Variants in OR52N4 observed in about 807,000 individuals in gnomAD.
OR52N4 encodes the protein olfactory receptor family 52 subfamily N member 4, also known as olfactory receptor 52N4.
In OR52N4, 15 loss-of-function variants were observed where a neutral mutation model predicts 15.0. The ratio of observed to expected loss-of-function variants is 1.00; its 90% CI spans 0.67 to 1.54. OR52N4 has a LOEUF of 1.54. OR52N4 is among the 40% of genes most tolerant of loss of function. OR52N4 has a pLI of 0.00. For missense variants in OR52N4, 421 were observed against 394.0 expected (o/e 1.07, Z -0.58); for synonymous variants, 143 against 143.7 (o/e 1.00, Z 0.03).
At chr11:5,751,879 G>A (rs984721007), upstream of OR52N4, among the ~76,000 whole-genome samples, 3 of 152,080 alleles carry the variant, frequency 2.0e-5, no homozygotes, top group African/African-American at 7.2e-5. Context: ...AAGGCTATTG[G>A]TAGCTACATT....
chr11:5,729,102 C>T, the OR52N4 span, among the ~76,000 whole-genome samples: 2 of 131,590 alleles, frequency 1.5e-5, 1 homozygote, highest in South Asian at 5.1e-4. Context: ...TGTATCTAAT[C>T]CTTAAATTGA....
At chr11:5,744,129 G>A in the OR52N4 span, among the ~76,000 whole-genome samples, 7 of 151,958 alleles carry the variant, frequency 4.6e-5, no homozygotes, top group East Asian at 1.9e-4. Flanking sequence ...TAAAAAAGAC[G>A]GATAAATTCT....
the OR52N4 span, among the ~76,000 whole-genome samples, chr11:5,743,384 A>T: frequency 6.6e-6 from 1 of 152,214 alleles, no homozygotes; most frequent in Non-Finnish European, 1.5e-5. Context: ...TCTAGATTAA[A>T]TGCTAAACAG....
chr11:5,750,491 C>T (rs1046306628), upstream of OR52N4, among the ~76,000 whole-genome samples: 1 of 151,908 alleles, frequency 6.6e-6, no homozygotes, highest in Admixed American at 6.6e-5. Flanking sequence ...TAATAAGACA[C>T]TGTTCAATAT....
chr11:5,736,728 T>TCA, the OR52N4 span: 8 of 1,613,964 alleles, frequency 5.0e-6, no homozygotes, highest in South Asian at 6.6e-5. Flanking sequence ...ATGTATATTT[T>TCA]CCTTGGCATC....
chr11:5,754,132 A>G (rs5012842), upstream of OR52N4: 26,184 of 151,918 alleles, frequency 0.17, 2,377 homozygotes, highest in East Asian at 0.24. Context: ...ATTATTGAGT[A>G]TAGACACCCA....
the OR52N4 span, among the ~76,000 whole-genome samples, chr11:5,742,461 A>AATC: frequency 6.6e-6 from 1 of 152,206 alleles, no homozygotes; most frequent in South Asian, 2.1e-4. Flanking sequence ...AAGATCCTGA[A>AATC]AGCAGCAAAA....
At chr11:5,749,729 G>C (rs1854150702), upstream of OR52N4, among the ~76,000 whole-genome samples, 1 of 151,614 alleles carries the variant, frequency 6.6e-6, no homozygotes, top group Admixed American at 6.6e-5. Flanking sequence ...TGAGAAGTTG[G>C]GTCTACTAGA....
chr11:5,744,742 G>T, the OR52N4 span, among the ~76,000 whole-genome samples: 1 of 152,074 alleles, frequency 6.6e-6, no homozygotes, highest in Non-Finnish European at 1.5e-5. Context: ...GCGAAACCCT[G>T]TCTCTACTAA....
chr11:5,729,159 A>G, the OR52N4 span, among the ~76,000 whole-genome samples: 2 of 118,902 alleles, frequency 1.7e-5, no homozygotes, highest in African/African-American at 6.7e-5. Flanking sequence ...TCGCTCTGTC[A>G]CCCAGGCTGG....
the OR52N4 span, among the ~76,000 whole-genome samples, chr11:5,733,836 C>T: frequency 6.6e-6 from 1 of 152,116 alleles, no homozygotes; most frequent in African/African-American, 2.4e-5. Context: ...GCTTAAAAAC[C>T]ATTCAAACAC....
the OR52N4 span, among the ~76,000 whole-genome samples, chr11:5,727,696 C>T: frequency 6.6e-6 from 1 of 152,106 alleles, no homozygotes; most frequent in South Asian, 2.1e-4. Context: ...ATATTGAAAA[C>T]AACCCACTGT....
chr11:5,737,577 C>A, the OR52N4 span: 2 of 1,224,734 alleles, frequency 1.6e-6, no homozygotes, highest in East Asian at 2.4e-5. Context: ...TAAGTGAATA[C>A]CTTTGGGATT....
At chr11:5,733,294 T>C in the OR52N4 span, among the ~76,000 whole-genome samples, 4 of 152,168 alleles carry the variant, frequency 2.6e-5, no homozygotes, top group African/African-American at 9.6e-5. Flanking sequence ...TCCAGACACA[T>C]TGTTGTCACC....
rs199608836 is a variant in OR52N4, at chr11:5,755,059, C to T, written c.319C>T (p.His107Tyr). 1 of 1,614,028 alleles carries T rather than the reference C, an allele frequency of 6.2e-7. No homozygotes were observed. The highest frequency in any genetic ancestry group is 2.2e-5 in the East Asian group (1 of 44,864). ...DECLVQMFFT[H>Y]TFTGMESGVL... ...ATGCCTTGTCCAGATGTTCTTCACC[C>T]ACACCTTCACAGGGATGGAGTCTGG... The change falls in exon 2 of 2, where the codon CAC becomes TAC. Residue 107 changes from histidine to tyrosine, a missense_variant. His to Tyr is a moderately conservative substitution (Grantham distance 83). Transcript: ENST00000641350.
Position 5,754,701 on chromosome 11 carries a change from A to G in OR52N4, c.-40A>G. 6.5e-7 allele frequency: 1 copy of G among 1,537,284 alleles called. No homozygotes were observed. The highest frequency in any genetic ancestry group is 1.3e-5 in the South Asian group (1 of 77,752). ...TTTTTTTTTAACTCTAGGAAAGCCCAGACAAATTTTGAGCTATTTCATAAC... is the reference window on the plus strand; with the variant it reads ...TTTTTTTTTAACTCTAGGAAAGCCCGGACAAATTTTGAGCTATTTCATAAC... On this transcript the variant is annotated 5_prime_UTR_variant, in exon 2 of 2. Coordinates refer to ENST00000641350, the MANE Select transcript of OR52N4 (RefSeq NM_001005175.5).
upstream of OR52N4, among the ~76,000 whole-genome samples, chr11:5,751,690 T>C (rs4758182): frequency 0.017 from 2,653 of 152,278 alleles, 29 homozygotes; most frequent in Middle Eastern, 0.031. Flanking sequence ...ATTGAGTATC[T>C]AATATGAGAG....
At chr11:5,746,028 A>G in the OR52N4 span, among the ~76,000 whole-genome samples, 2 of 152,170 alleles carry the variant, frequency 1.3e-5, no homozygotes, top group African/African-American at 4.8e-5. Flanking sequence ...GATCTTCGAC[A>G]AAGTCACTAA....
At position 5,754,903 on chromosome 11, in the gene OR52N4, G is replaced by A. The variant is rs1183062969; in HGVS notation, c.163G>A (p.Asp55Asn). 5 of 1,613,604 alleles carry A rather than the reference G, an allele frequency of 3.1e-6. No homozygotes were observed. Among genetic ancestry groups the A allele is most frequent in the Non-Finnish European group, 4.2e-6 (5 of 1,179,790 alleles). The part of the protein sequence containing the change: ...CGLLYLIHYE[D>N]ALHKPMYYFL... Reference sequence around the variant, plus strand: ...ACTCCTCTACCTCATTCACTATGAGGATGCCCTGCACAAACCCATGTACTA... The same window carrying A: ...ACTCCTCTACCTCATTCACTATGAGAATGCCCTGCACAAACCCATGTACTA... Residue 55 changes from aspartate (D) to asparagine (N), a missense_variant, in exon 2 of 2, where the codon GAT becomes AAT. Asp to Asn is a conservative substitution (Grantham distance 23, BLOSUM62 1). Coordinates refer to ENST00000641350, the MANE Select transcript of OR52N4 (RefSeq NM_001005175.5).
Sources: gnomAD v4.1 joint callset for allele counts (sites outside exome capture counted in the v4.1 genomes callset) on GRCh38, gnomAD v4.1.1 for gene constraint, MANE v1.5 for transcripts, NCBI Gene and HGNC (gene_info 2026-07-23, HGNC 2026-07-21) for gene names.